The following RERG variants were observed in gnomAD, a reference collection of about 807,000 sequenced individuals.
RERG encodes ras-related and estrogen-regulated growth inhibitor.
RERG carries 25 observed loss-of-function variants against 23.2 expected under a neutral mutation model. That is an observed-to-expected ratio of 1.08 (90% CI 0.79 to 1.50). RERG has a LOEUF of 1.50. RERG is among the 40% of genes most tolerant of loss of function. The probability of loss-of-function intolerance (pLI) is 0.00; values close to 1 mark genes in which losing one functional copy is unlikely to be tolerated. For missense variants in RERG, 253 were observed against 250.1 expected, an observed-to-expected ratio of 1.01 and a Z score of -0.08; for synonymous variants, 81 against 89.1, an observed-to-expected ratio of 0.91 and a Z score of 0.51.
intron 2 of RERG, among the ~76,000 whole-genome samples, chr12:15,126,724 C>CTTTCT (rs775839556): frequency 5.4e-4 from 71 of 132,448 alleles, no homozygotes; most frequent in African/African-American, 1.9e-3. Context: ...CTTTTTCTTT[C>CTTTCT]TTTTTTTTTT....
chr12:15,189,549 T>A (rs1039987121), intron 2 of RERG, among the ~76,000 whole-genome samples: 1 of 152,174 alleles, frequency 6.6e-6, no homozygotes, highest in Non-Finnish European at 1.5e-5. Flanking sequence ...TTATAGCTAT[T>A]ACTGACACAC....
intron 2 of RERG, among the ~76,000 whole-genome samples, chr12:15,180,067 A>C (rs1864903738): frequency 1.3e-5 from 2 of 152,212 alleles, no homozygotes; most frequent in African/African-American, 4.8e-5. Context: ...GAGGAAAATG[A>C]AAGAAAAAAA....
At chr12:15,192,063 G>T (rs549676496) in intron 2 of RERG, among the ~76,000 whole-genome samples, 1 of 152,188 alleles carries the variant, frequency 6.6e-6, no homozygotes, top group East Asian at 1.9e-4. Context: ...GTAATCCCCA[G>T]TGTTAGAGGT....
intron 2 of RERG, among the ~76,000 whole-genome samples, chr12:15,200,600 C>T (rs977126761): frequency 6.6e-6 from 1 of 151,936 alleles, no homozygotes; most frequent in Non-Finnish European, 1.5e-5. Context: ...TGGCATTTTG[C>T]CCTTTGTAGG....
intron 2 of RERG, among the ~76,000 whole-genome samples, chr12:15,134,547 C>T (rs575879759): frequency 6.6e-6 from 1 of 151,962 alleles, no homozygotes; most frequent in Non-Finnish European, 1.5e-5. Context: ...CTCTGAATGT[C>T]CTTCTCACTT....
chr12:15,203,825 A>C (rs572560222), intron 2 of RERG, among the ~76,000 whole-genome samples: 1 of 151,832 alleles, frequency 6.6e-6, no homozygotes, highest in Non-Finnish European at 1.5e-5. Flanking sequence ...ACAGTATCAA[A>C]AAGAATAAAA....
Position 15,111,412 on chromosome 12 carries a change from T to G in RERG, c.124A>C (p.Thr42Pro). ...TCGATGGTTGCTTGGTGTCGGTAGG[T>G]TGATTCTAAGGGAATGAGCAAATAA... Reference protein sequence around the residue: ...IWEYDPTLESTYRHQATIDDE... With the variant: ...IWEYDPTLESPYRHQATIDDE... The change falls in exon 4 of 5, where the codon ACC becomes CCC. Residue 42 changes from threonine to proline, a missense_variant. Transcript: ENST00000256953. 6.2e-7 allele frequency: 1 copy of G among 1,612,512 alleles called. No individual in the cohort carries two copies. The highest frequency in any genetic ancestry group is 8.5e-7 in the Non-Finnish European group (1 of 1,178,956).
intron 2 of RERG, among the ~76,000 whole-genome samples, chr12:15,182,560 C>T (rs1341269901): frequency 6.6e-6 from 1 of 152,102 alleles, no homozygotes; most frequent in Non-Finnish European, 1.5e-5. Flanking sequence ...TTTTTCTCAT[C>T]TAAAACAATT....
chr12:15,159,685 G>A (rs912211245), intron 2 of RERG, among the ~76,000 whole-genome samples: 20 of 152,152 alleles, frequency 1.3e-4, no homozygotes, highest in African/African-American at 1.7e-4. Context: ...TTAGCTGGGC[G>A]TGGTGGCGGG....
intron 2 of RERG, among the ~76,000 whole-genome samples, chr12:15,167,037 C>G (rs558055158): frequency 3.3e-5 from 5 of 152,100 alleles, no homozygotes; most frequent in Non-Finnish European, 7.4e-5. Flanking sequence ...GTCTTACAAG[C>G]AAGGCAGGTC....
chr12:15,147,096 G>A (rs1864346975), intron 2 of RERG, among the ~76,000 whole-genome samples: 1 of 151,252 alleles, frequency 6.6e-6, no homozygotes, highest in African/African-American at 2.4e-5. Flanking sequence ...TTAAGGCTAT[G>A]TTTATTTCAG....
At chr12:15,156,003 T>A (rs201311427) in intron 2 of RERG, among the ~76,000 whole-genome samples, 369 of 77,142 alleles carry the variant, frequency 4.8e-3, no homozygotes, top group South Asian at 0.038. Flanking sequence ...AATAAAAAAA[T>A]ATATATATAT....
intron 2 of RERG, among the ~76,000 whole-genome samples, chr12:15,198,173 C>A (rs1308042620): frequency 6.6e-6 from 1 of 152,060 alleles, no homozygotes. Flanking sequence ...GAGGCATTCA[C>A]TTATAAATCT....
intron 2 of RERG, among the ~76,000 whole-genome samples, chr12:15,164,128 A>T (rs974713984): frequency 1.3e-5 from 2 of 152,168 alleles, no homozygotes; most frequent in East Asian, 1.9e-4. Flanking sequence ...CACAAGGCAC[A>T]GTTAATAAGG....
Position 15,109,383 on chromosome 12 carries a change from C to A in RERG, c.327G>T (p.Lys109Asn). The change falls in exon 5 of 5, where the codon AAG becomes AAT. Residue 109 changes from lysine (K) to asparagine (N), a missense_variant. Lys to Asn is a moderately conservative substitution (Grantham distance 94). Coordinates refer to ENST00000256953, the MANE Select transcript of RERG (RefSeq NM_032918.3). Reference sequence around the variant, plus strand: ...TTCCAACCAAGATGAGAGTCACATTCTTGGGCTTTTTGATCTCATCTAGGA... The same window carrying A: ...TTCCAACCAAGATGAGAGTCACATTATTGGGCTTTTTGATCTCATCTAGGA... ...KNILDEIKKP[K>N]NVTLILVGNK... The A allele has an allele frequency of 6.2e-7, 1 of 1,614,050 alleles. No individual in the cohort carries two copies. Among genetic ancestry groups the A allele is most frequent in the South Asian group, 1.1e-5 (1 of 91,082 alleles).
chr12:15,161,499 G>T (rs1283953735), intron 2 of RERG, among the ~76,000 whole-genome samples: 2 of 152,140 alleles, frequency 1.3e-5, no homozygotes, highest in Non-Finnish European at 2.9e-5. Flanking sequence ...TTTACATTTT[G>T]CCTGTTCAGG....
intron 2 of RERG, among the ~76,000 whole-genome samples, chr12:15,178,037 T>C (rs1425329913): frequency 2.0e-5 from 3 of 152,072 alleles, no homozygotes; most frequent in East Asian, 1.9e-4. Context: ...CTCAAATAGA[T>C]TGAAACCCTT....
In RERG at chr12:15,108,920, A is replaced by C. The variant is rs1863546676; in HGVS notation, c.*190T>G. 3.6e-6 allele frequency: 2 copies of C among 554,728 alleles called. No individual in the cohort carries two copies. The highest frequency in any genetic ancestry group is 6.3e-6 in the Non-Finnish European group (2 of 319,380). The allele number at this position is 554,728 out of a possible 1,614,324, so 34.4% of individuals were successfully genotyped here. A position where few individuals can be genotyped will look rare whatever the true frequency, so the allele number is the denominator to read the frequency against. Reference sequence around the variant, plus strand: ...GTGTATCTTATTCAAGCAGGAAAGGAAGAAATTGTTAGCACTGAAATTGCA... The same window carrying C: ...GTGTATCTTATTCAAGCAGGAAAGGCAGAAATTGTTAGCACTGAAATTGCA... On this transcript the variant is annotated 3_prime_UTR_variant, in exon 5 of 5. Coordinates refer to ENST00000256953, the MANE Select transcript of RERG (RefSeq NM_032918.3).
chr12:15,159,710 G>A (rs1211121172), intron 2 of RERG, among the ~76,000 whole-genome samples: 1 of 152,158 alleles, frequency 6.6e-6, no homozygotes, highest in Non-Finnish European at 1.5e-5. Flanking sequence ...TGTAGTGCCA[G>A]CTGCTTGTGA....
Sources: allele counts gnomAD v4.1 joint callset (sites outside exome capture counted in the v4.1 genomes callset), GRCh38; gene constraint gnomAD v4.1.1; transcripts MANE v1.5; gene names NCBI Gene and HGNC (gene_info 2026-07-23, HGNC 2026-07-21).